ERC2: variants seen among roughly 807,000 people sequenced by gnomAD.
The protein encoded by ERC2 is ERC protein 2.
ERC2 carries 42 observed loss-of-function variants against 114.8 expected under a neutral mutation model. That is an observed-to-expected ratio of 0.37 (90% CI 0.29 to 0.47). The LOEUF (loss-of-function observed/expected upper bound fraction) is 0.47. Ranked by LOEUF, ERC2 falls within the 20% of genes least tolerant of loss-of-function variation. The probability of loss-of-function intolerance (pLI) is 0.99; values close to 1 mark genes in which losing one functional copy is unlikely to be tolerated. For missense variants in ERC2, 939 were observed against 1,150.7 expected, an observed-to-expected ratio of 0.82 and a Z score of 2.66; for synonymous variants, 454 against 425.5, an observed-to-expected ratio of 1.07 and a Z score of -0.82.
At chr3:56,201,832 T>C (rs570952215) in intron 3 of ERC2, among the ~76,000 whole-genome samples, 1 of 152,332 alleles carries the variant, frequency 6.6e-6, no homozygotes, top group African/African-American at 2.4e-5. Flanking sequence ...CAATTTCTTC[T>C]TTACAACAGT....
At chr3:56,057,126 G>T (rs1396786985) in intron 7 of ERC2, among the ~76,000 whole-genome samples, 1 of 151,960 alleles carries the variant, frequency 6.6e-6, no homozygotes, top group Non-Finnish European at 1.5e-5. Context: ...ATTAAACAAT[G>T]GCTCTAAATC....
At chr3:56,427,161 C>G (rs1405882904) in intron 2 of ERC2, among the ~76,000 whole-genome samples, 1 of 144,282 alleles carries the variant, frequency 6.9e-6, no homozygotes, top group South Asian at 2.2e-4. Context: ...GATCCTGTCT[C>G]AGAAAAAAAA....
chr3:55,516,438 A>G (rs1448411880), intron 17 of ERC2, among the ~76,000 whole-genome samples: 1 of 151,998 alleles, frequency 6.6e-6, no homozygotes, highest in Non-Finnish European at 1.5e-5. Flanking sequence ...TGAAACCATA[A>G]TTCAAAAAAT....
chr3:55,589,502 A>G (rs1333745442), intron 17 of ERC2, among the ~76,000 whole-genome samples: 2 of 152,198 alleles, frequency 1.3e-5, no homozygotes, highest in Non-Finnish European at 2.9e-5. Context: ...AACCATGAGT[A>G]CTGGCCTTGC....
intron 14 of ERC2, among the ~76,000 whole-genome samples, chr3:55,813,242 T>C (rs2059790504): frequency 6.6e-6 from 1 of 152,192 alleles, no homozygotes; most frequent in South Asian, 2.1e-4. Context: ...CAATACAGTA[T>C]AGCTAGGTTC....
At chr3:55,894,045 G>A (rs541148740) in intron 13 of ERC2, among the ~76,000 whole-genome samples, 55 of 152,134 alleles carry the variant, frequency 3.6e-4, no homozygotes, top group African/African-American at 1.2e-3. Flanking sequence ...CACAAGAGGC[G>A]GAGCAGCGTA....
intron 14 of ERC2, among the ~76,000 whole-genome samples, chr3:55,870,073 AG>A (rs2062509197): frequency 6.7e-6 from 1 of 149,446 alleles, no homozygotes; most frequent in Non-Finnish European, 1.5e-5. Context: ...TATAAAAAAG[AG>A]TACAATTTTT....
intron 13 of ERC2, among the ~76,000 whole-genome samples, chr3:55,893,606 T>C (rs1245190646): frequency 2.0e-5 from 3 of 152,126 alleles, no homozygotes. Flanking sequence ...CCCTAACACA[T>C]CCACCATTTT....
At chr3:55,864,468 G>A (rs1284660819) in intron 14 of ERC2, among the ~76,000 whole-genome samples, 1 of 151,932 alleles carries the variant, frequency 6.6e-6, no homozygotes, top group Non-Finnish European at 1.5e-5. Context: ...ACTGACATGA[G>A]TGGCTGCTAA....
chr3:55,798,976 AAATAAAT>A (rs2070752237), intron 14 of ERC2, among the ~76,000 whole-genome samples: 1 of 152,214 alleles, frequency 6.6e-6, no homozygotes, highest in Admixed American at 6.5e-5. Flanking sequence ...ATTGCTAAAA[AAATAAAT>A]AATAAAGTAC....
rs1205148509 is a variant in ERC2 at position 55,510,806 on chromosome 3, C to CT, written c.*509dup. ...ACCACTCACTCACAGCGAATTTATA[C>CT]TTTTTGATAATCTAATGCATTAGGA... On this transcript the variant is annotated 3_prime_UTR_variant, in exon 18 of 18. Coordinates refer to ENST00000288221, the MANE Select transcript of ERC2 (RefSeq NM_015576.3). 1.3e-5 allele frequency: 2 copies of CT among 152,176 alleles called. No individual in the cohort carries two copies. The highest frequency in any genetic ancestry group is 1.3e-4 in the Admixed American group (2 of 15,272). The allele number at this position is 152,176 out of a possible 1,614,324, so 9.4% of individuals were successfully genotyped here.
intron 2 of ERC2, among the ~76,000 whole-genome samples, chr3:56,400,303 T>A (rs1048276415): frequency 6.6e-6 from 1 of 152,014 alleles, no homozygotes; most frequent in Non-Finnish European, 1.5e-5. Context: ...TAAGGAAAGG[T>A]GATGGTTATG....
chr3:56,123,602 A>C (rs1395331981), intron 6 of ERC2, among the ~76,000 whole-genome samples: 1 of 152,220 alleles, frequency 6.6e-6, no homozygotes, highest in African/African-American at 2.4e-5. Flanking sequence ...GCTACAGACC[A>C]CTGTCACTCC....
chr3:56,219,804 A>G (rs1047834718), intron 3 of ERC2, among the ~76,000 whole-genome samples: 4 of 152,146 alleles, frequency 2.6e-5, no homozygotes, highest in Non-Finnish European at 4.4e-5. Context: ...TATTACTTCA[A>G]TGGCTTAGTG....
At chr3:56,251,856 T>C (rs143628622) in intron 3 of ERC2, among the ~76,000 whole-genome samples, 1 of 152,350 alleles carries the variant, frequency 6.6e-6, no homozygotes, top group African/African-American at 2.4e-5. Context: ...TCTGAACTCC[T>C]CATAGAGTGC....
chr3:55,711,424 C>T (rs1220659848), intron 15 of ERC2, among the ~76,000 whole-genome samples: 1 of 152,190 alleles, frequency 6.6e-6, no homozygotes, highest in African/African-American at 2.4e-5. Flanking sequence ...GTGCTTAATG[C>T]AAGCACAGAC....
intron 2 of ERC2, among the ~76,000 whole-genome samples, chr3:56,314,272 G>A (rs960018604): frequency 2.6e-5 from 4 of 151,972 alleles, no homozygotes; most frequent in African/African-American, 7.3e-5. Flanking sequence ...GGTTATTTTC[G>A]CTAAACCTCA....
At chr3:55,620,615 TTGTCACAG>T (rs370354336) in intron 17 of ERC2, among the ~76,000 whole-genome samples, 177 of 152,274 alleles carry the variant, frequency 1.2e-3, no homozygotes, top group African/African-American at 4.1e-3. Flanking sequence ...GGTCTTGGAT[TTGTCACAG>T]TGTACGGGAG....
At chr3:56,151,086 G>A (rs559961216) in intron 4 of ERC2, among the ~76,000 whole-genome samples, 95 of 152,082 alleles carry the variant, frequency 6.2e-4, no homozygotes, top group Non-Finnish European at 1.2e-3. Flanking sequence ...CCAGAACTGT[G>A]AGAAAAACAA....
Sources: gnomAD v4.1 joint callset for allele counts (sites outside exome capture counted in the v4.1 genomes callset) on GRCh38, gnomAD v4.1.1 for gene constraint, MANE v1.5 for transcripts, NCBI Gene and HGNC (gene_info 2026-07-23, HGNC 2026-07-21) for gene names.